The following EYS variants were observed in gnomAD, a reference collection of about 807,000 sequenced individuals.
The protein encoded by EYS is protein eyes shut homolog.
In EYS, 250 loss-of-function variants were observed where a neutral mutation model predicts 282.1. The observed-to-expected ratio is 0.89, with a 90% confidence interval of 0.80 to 0.98. EYS has a LOEUF of 0.98. Ranked by LOEUF, EYS falls within the 50% of genes least tolerant of loss-of-function variation. EYS has a pLI of 0.00. For missense variants in EYS, 4,016 were observed against 3,709.0 expected (o/e 1.08, Z -2.15); for synonymous variants, 1,355 against 1,282.9 (o/e 1.06, Z -1.20).
intron 28 of EYS, among the ~76,000 whole-genome samples, chr6:64,413,913 A>G (rs1040720338): frequency 1.3e-5 from 2 of 152,142 alleles, no homozygotes; most frequent in African/African-American, 2.4e-5. Flanking sequence ...TAGTGCCTTT[A>G]GAAGAAAAGT....
At chr6:64,687,367 A>T (rs527977429) in intron 22 of EYS, among the ~76,000 whole-genome samples, 3 of 152,334 alleles carry the variant, frequency 2.0e-5, no homozygotes, top group African/African-American at 4.8e-5. Flanking sequence ...AGAATGCATG[A>T]GAGTTTAAAT....
intron 16 of EYS, among the ~76,000 whole-genome samples, chr6:64,910,288 T>TA (rs1438145970): frequency 1.3e-5 from 2 of 152,138 alleles, no homozygotes; most frequent in Admixed American, 1.3e-4. Context: ...ATAAAGCTAT[T>TA]AAAGTAACCC....
In EYS at chr6:65,353,485, C is replaced by T. The variant is rs1403117224; in HGVS notation, c.1432G>A (p.Glu478Lys). 3 of 1,613,098 alleles carry T rather than the reference C, an allele frequency of 1.9e-6. No homozygotes were observed. Among genetic ancestry groups the T allele is most frequent in the Admixed American group, 3.3e-5 (2 of 59,958 alleles). The change falls in exon 9 of 43, where the codon GAA (glutamate) becomes AAA (lysine). Residue 478 changes from glutamate (E) to lysine (K), a missense_variant. Glu to Lys is a moderately conservative substitution (Grantham distance 56). Transcript: ENST00000503581. ...GCAAATCCCAATTGCCACACATATT[C>T]AAATTGAGCAGGACCTTTATCTTGG... ...ICQDKGPAQF[E>K]YVWQLGFAGS... is the part of the protein sequence containing the mutation.
chr6:64,850,295 TCAAA>T (rs1379904383), intron 19 of EYS, among the ~76,000 whole-genome samples: 1 of 152,058 alleles, frequency 6.6e-6, no homozygotes, highest in African/African-American at 2.4e-5. Context: ...GCCTTTGAAG[TCAAA>T]CAGATAATAT....
chr6:64,840,176 C>T (rs1353442199), intron 19 of EYS, among the ~76,000 whole-genome samples: 1 of 152,026 alleles, frequency 6.6e-6, no homozygotes, highest in Non-Finnish European at 1.5e-5. Flanking sequence ...ATCCGTAAAG[C>T]AGTCATAATA....
intron 22 of EYS, among the ~76,000 whole-genome samples, chr6:64,640,954 G>C (rs1020819953): frequency 1.3e-5 from 2 of 152,068 alleles, no homozygotes; most frequent in Non-Finnish European, 2.9e-5. Context: ...ATTCATTAAC[G>C]ACATGACATT....
intron 26 of EYS, among the ~76,000 whole-genome samples, 170 bp from the exon 27 acceptor site, chr6:64,439,522 G>T (rs1774865434): frequency 6.6e-6 from 1 of 151,702 alleles, no homozygotes; most frequent in South Asian, 2.1e-4. Context: ...GTTTTCTCAT[G>T]ATTTCTTTGT....
chr6:64,462,936 G>A (rs1233409874), intron 26 of EYS, among the ~76,000 whole-genome samples: 1 of 141,292 alleles, frequency 7.1e-6, no homozygotes, highest in Non-Finnish European at 1.5e-5. Flanking sequence ...CTTATTCTCA[G>A]CTTTAATTTT....
At chr6:65,413,050 A>G (rs1468310613) in intron 5 of EYS, among the ~76,000 whole-genome samples, 1 of 152,144 alleles carries the variant, frequency 6.6e-6, no homozygotes, top group African/African-American at 2.4e-5. Context: ...CAATTTCCCC[A>G]GAATCCCTGA....
At chr6:65,611,004 T>A (rs959662609) in intron 2 of EYS, among the ~76,000 whole-genome samples, 1 of 152,070 alleles carries the variant, frequency 6.6e-6, no homozygotes, top group Non-Finnish European at 1.5e-5. Context: ...TCAGGCAATG[T>A]ACTCATATAA....
chr6:64,010,400 G>A (rs553798465), intron 33 of EYS, among the ~76,000 whole-genome samples: 3 of 151,128 alleles, frequency 2.0e-5, no homozygotes, highest in East Asian at 4.0e-4. Flanking sequence ...GGTTGGGGGG[G>A]GGGGTGGTGG....
At chr6:65,055,448 T>C (rs1773384220) in intron 13 of EYS, among the ~76,000 whole-genome samples, 1 of 152,142 alleles carries the variant, frequency 6.6e-6, no homozygotes, top group Non-Finnish European at 1.5e-5. Flanking sequence ...TATGCTACTA[T>C]GGTACATTTG....
intron 37 of EYS, among the ~76,000 whole-genome samples, chr6:63,799,106 C>T (rs1050919394): frequency 2.7e-5 from 4 of 149,574 alleles, no homozygotes; most frequent in Non-Finnish European, 4.4e-5. Context: ...CTCCGCCTCC[C>T]GGGTTCAAGT....
chr6:65,614,751 CCTCTAG>C (rs1766125019), intron 2 of EYS, among the ~76,000 whole-genome samples: 1 of 152,074 alleles, frequency 6.6e-6, no homozygotes. Context: ...ATTCTTAAAT[CCTCTAG>C]AGGCAAAATG....
At chr6:65,221,737 C>T (rs1378079158) in intron 12 of EYS, among the ~76,000 whole-genome samples, 1 of 152,156 alleles carries the variant, frequency 6.6e-6, no homozygotes, top group Non-Finnish European at 1.5e-5. Flanking sequence ...GGTAGATCCA[C>T]TGACAGCTTG....
chr6:65,235,103 A>C (rs1449525628), intron 12 of EYS, among the ~76,000 whole-genome samples: 1 of 152,222 alleles, frequency 6.6e-6, no homozygotes, highest in Non-Finnish European at 1.5e-5. Flanking sequence ...TGCATTGGCT[A>C]GCATTGCAAG....
chr6:64,060,075 T>C (rs570842987), intron 33 of EYS, among the ~76,000 whole-genome samples: 7 of 152,272 alleles, frequency 4.6e-5, no homozygotes, highest in East Asian at 1.9e-4. Context: ...TAATATCTTA[T>C]AGATTTAGCA....
intron 22 of EYS, among the ~76,000 whole-genome samples, chr6:64,714,680 C>T (rs1433713945): frequency 6.6e-6 from 1 of 151,962 alleles, no homozygotes; most frequent in Non-Finnish European, 1.5e-5. Context: ...AGCCTGCCAC[C>T]ACGCCCAGCT....
At chr6:64,213,719 A>C (rs1765850871) in intron 31 of EYS, among the ~76,000 whole-genome samples, 1 of 152,158 alleles carries the variant, frequency 6.6e-6, no homozygotes, top group South Asian at 2.1e-4. Context: ...GAAACATTAG[A>C]GGGCATTTTA....
Sources: gnomAD v4.1 joint callset for allele counts (sites outside exome capture counted in the v4.1 genomes callset) on GRCh38, gnomAD v4.1.1 for gene constraint, MANE v1.5 for transcripts, NCBI Gene and HGNC (gene_info 2026-07-23, HGNC 2026-07-21) for gene names.